The following CD83 variants were observed in gnomAD, a reference collection of about 807,000 sequenced individuals.
CD83 encodes CD83 molecule.
Under a neutral mutation model 24.6 loss-of-function variants are expected in CD83, and 22 were observed. The observed-to-expected ratio is 0.90, with a 90% CI of 0.64 to 1.28. CD83 has a LOEUF of 1.28. Among genes scored for constraint, CD83 ranks in the 50% most tolerant of loss-of-function variants. The pLI, the probability that CD83 is intolerant of heterozygous loss-of-function variation, is 0.00. For synonymous variants in CD83, 101 were observed against 103.5 expected (o/e 0.98, Z 0.14); for missense variants, 253 against 252.8 (o/e 1.00, Z -0.01).
Position 14,126,906 on chromosome 6 carries a change from T to C in CD83, c.154-4614T>C, listed in dbSNP as rs910722060. Among the ~76,000 whole-genome samples, 12 of 152,310 alleles carry C rather than the reference T, an allele frequency of 7.9e-5. No individual in the cohort carries two copies. The East Asian group carries it at 2.3e-3, about 29-fold the overall frequency. On this transcript the variant is annotated intron_variant, in intron 2 of 4. Transcript: ENST00000379153. ...AATCTATACCCTTAAATATGTTTTA[T>C]CAAATTATTAGATGAAATTTTTATA...
rs1408002483 is a variant in CD83 at position 14,135,321 on chromosome 6, T to TA, written c.*86dup. 1 of 1,431,050 alleles carries TA rather than the reference T, an allele frequency of 7.0e-7. No individual in the cohort carries two copies. The highest frequency in any genetic ancestry group is 2.3e-5 in the East Asian group (1 of 43,616). The allele number at this position is 1,431,050 out of a possible 1,614,324, so 88.6% of individuals were successfully genotyped here. ...ACACTGGAGGAGAGAAGAATGAGCC[T>TA]ACGCTGAAGATGGCATCCTGTGAAG... On this transcript the variant is annotated 3_prime_UTR_variant, in exon 5 of 5. Coordinates refer to ENST00000379153, the MANE Select transcript of CD83 (RefSeq NM_004233.4).
chr6:14,131,666 C>T lies in CD83; in HGVS notation c.300C>T (p.Cys100=). 1.2e-5 allele frequency: 19 copies of T among 1,614,170 alleles called. No individual in the cohort carries two copies. The highest frequency in any genetic ancestry group is 1.6e-5 in the Non-Finnish European group (19 of 1,180,034). Residue 100 remains cysteine, a synonymous_variant, in exon 3 of 5, where the codon TGC becomes TGT. Coordinates refer to ENST00000379153, the MANE Select transcript of CD83 (RefSeq NM_004233.4). Reference sequence around the variant, plus strand: ...TGAAGATCCGAAACACTACCAGCTGCAACTCGGGGACATACAGGTGCACTC... The same window carrying T: ...TGAAGATCCGAAACACTACCAGCTGTAACTCGGGGACATACAGGTGCACTC... The part of the protein sequence containing the change: ...YSLKIRNTTS[C]NSGTYRCTLQ...
In CD83 at chr6:14,136,799, A is replaced by C. The variant is rs1334026387; in HGVS notation, c.*1563A>C. The C allele has an allele frequency of 1.3e-5, 2 of 152,216 alleles. No homozygotes were observed. Among genetic ancestry groups the C allele is most frequent in the South Asian group, 4.1e-4 (2 of 4,830 alleles). The allele number at this position is 152,216 out of a possible 1,614,324, so 9.4% of individuals were successfully genotyped here. A position where few individuals can be genotyped will look rare whatever the true frequency, so the allele number is the denominator to read the frequency against. ...TCTGTACAATGAACCCCCATGATGT[A>C]AGTTTACCTATGTAACAAACCTGCA... On this transcript the variant is annotated 3_prime_UTR_variant, in exon 5 of 5. Coordinates refer to ENST00000379153, the MANE Select transcript of CD83 (RefSeq NM_004233.4).
intron 2 of CD83, among the ~76,000 whole-genome samples, chr6:14,120,067 A>G (rs1232420515): frequency 1.3e-5 from 2 of 152,218 alleles, no homozygotes; most frequent in Non-Finnish European, 2.9e-5. Flanking sequence ...AAGGGACAGC[A>G]GTCTCTAGGC....
chr6:14,122,651 T>C (rs78387287), intron 2 of CD83, among the ~76,000 whole-genome samples: 1 of 152,030 alleles, frequency 6.6e-6, no homozygotes, highest in African/African-American at 2.4e-5. Flanking sequence ...AAAAAAAAAA[T>C]CGTACTGTCC....
At chr6:14,133,015 C>T (rs1035583197) in intron 3 of CD83, among the ~76,000 whole-genome samples, 3 of 152,248 alleles carry the variant, frequency 2.0e-5, no homozygotes, top group Non-Finnish European at 4.4e-5. Context: ...TCGTGCTGCA[C>T]CAAACCCTTT....
intron 2 of CD83, among the ~76,000 whole-genome samples, chr6:14,123,609 G>C (rs1370139766): frequency 6.6e-6 from 1 of 152,044 alleles, no homozygotes; most frequent in Non-Finnish European, 1.5e-5. Context: ...GGCCGCCTCT[G>C]AGTGGCTATA....
chr6:14,118,086 G>A (rs368118535), intron 2 of CD83, 21 bp downstream of exon 2: 2 of 1,557,776 alleles, frequency 1.3e-6, no homozygotes, highest in Middle Eastern at 1.7e-4. Flanking sequence ...CGATACCCAC[G>A]GGCTGGGGTT....
rs141727928 is a variant in CD83 at position 14,135,214 on chromosome 6, C to T, written c.596C>T (p.Pro199Leu). 1.1e-5 allele frequency: 17 copies of T among 1,614,012 alleles called. No individual in the cohort carries two copies. The highest frequency in any genetic ancestry group is 1.4e-5 in the Non-Finnish European group (16 of 1,179,984). ...AATAAGCATTTAGGGCTAGTGACTC[C>T]TCACAAGACAGAACTGGTATGAGCA... ...SPNKHLGLVT[P>L]HKTELV The change falls in exon 5 of 5, where the codon CCT (proline) becomes CTT (leucine). Residue 199 changes from proline (P) to leucine (L), a missense_variant. Pro to Leu is a moderately conservative substitution (Grantham distance 98). Coordinates refer to ENST00000379153, the MANE Select transcript of CD83 (RefSeq NM_004233.4).
At chr6:14,117,739 C>T, upstream of CD83, 1 of 1,134,614 alleles carries the variant, frequency 8.8e-7, no homozygotes. This position sits in a 1 kb window ranked among gnomAD's most constrained non-coding sequence, Gnocchi z 4.6. Context: ...CCCGAACGCG[C>T]GGGCATAAAA....
chr6:14,118,783 G>T (rs555499225), intron 2 of CD83, among the ~76,000 whole-genome samples: 1 of 152,176 alleles, frequency 6.6e-6, no homozygotes, highest in Non-Finnish European at 1.5e-5. Flanking sequence ...AACATTCTCA[G>T]ATTCTAAGAT....
chr6:14,124,700 A>G (rs1220117882), intron 2 of CD83, among the ~76,000 whole-genome samples: 1 of 152,194 alleles, frequency 6.6e-6, no homozygotes, highest in African/African-American at 2.4e-5. Flanking sequence ...ACTAGCCTAA[A>G]GAGAAGGAAA....
chr6:14,121,332 G>T (rs770333910), intron 2 of CD83, among the ~76,000 whole-genome samples: 1 of 151,656 alleles, frequency 6.6e-6, no homozygotes, highest in Non-Finnish European at 1.5e-5. Context: ...ACCACACCTG[G>T]CTAATTTTTA....
chr6:14,124,762 C>G (rs1207335269), intron 2 of CD83, among the ~76,000 whole-genome samples: 1 of 152,126 alleles, frequency 6.6e-6, no homozygotes, highest in Non-Finnish European at 1.5e-5. Flanking sequence ...AATCAAAATA[C>G]AGTTCACATT....
At chr6:14,131,786 A>G (rs1757911287) in intron 3 of CD83, 38 bp downstream of exon 3, 1 of 1,361,308 alleles carries the variant, frequency 7.3e-7, no homozygotes. Flanking sequence ...TTCTTGAACA[A>G]TGCATGTGTA....
At chr6:14,126,685 G>A (rs1318463030) in intron 2 of CD83, among the ~76,000 whole-genome samples, 1 of 152,128 alleles carries the variant, frequency 6.6e-6, no homozygotes, top group African/African-American at 2.4e-5. Context: ...CCCTCATTAT[G>A]ACATCAACCT....
At position 14,131,504 on chromosome 6, in the gene CD83, G is replaced by T; in HGVS notation, c.154-16G>T. The T allele has an allele frequency of 6.3e-7, 1 of 1,596,452 alleles. No individual in the cohort carries two copies. The highest frequency in any genetic ancestry group is 1.1e-5 in the South Asian group (1 of 90,742). The stretch of plus-strand genomic sequence containing the variant: ...CTTGCAGTGGACCGTGATGCGCTCT[G>T]ATTCCTTCTTCACAGTTATTGGAGG... On this transcript the variant is annotated splice_polypyrimidine_tract_variant and intron_variant, in intron 2 of 4. Coordinates refer to ENST00000379153, the MANE Select transcript of CD83 (RefSeq NM_004233.4).
chr6:14,117,687 C>A, upstream of CD83: 1 of 657,742 alleles, frequency 1.5e-6, no homozygotes, highest in Non-Finnish European at 2.3e-6. This position sits in a 1 kb window ranked among gnomAD's most constrained non-coding sequence, Gnocchi z 4.6. Context: ...CCCGCTTCCG[C>A]TGCCCGCCGG....
At position 14,129,043 on chromosome 6, in the gene CD83, T is replaced by G. The variant is rs1038086965; in HGVS notation, c.154-2477T>G. Among the ~76,000 whole-genome samples the G allele has an allele frequency of 6.6e-6, 1 of 152,180 alleles. No individual in the cohort carries two copies. Among genetic ancestry groups the G allele is most frequent in the Non-Finnish European group, 1.5e-5 (1 of 68,020 alleles). ...GCTCCAGAGGGGTTCACAGTGTTGA[T>G]CTTGACTTTCAGATGGGCCTTTCTG... On this transcript the variant is annotated intron_variant, in intron 2 of 4. Transcript: ENST00000379153. This position sits in a 1 kb window ranked among gnomAD's most constrained non-coding sequence, Gnocchi z 4.3.
Sources: gnomAD v4.1 joint callset for allele counts (sites outside exome capture counted in the v4.1 genomes callset) on GRCh38, gnomAD v4.1.1 for gene constraint, Gnocchi (gnomAD v3.1) non-coding constraint, MANE v1.5 for transcripts, NCBI Gene and HGNC (gene_info 2026-07-23, HGNC 2026-07-21) for gene names.